NOL10: variants seen among roughly 807,000 people sequenced by gnomAD.
The protein encoded by NOL10 is H_NH0074G24.1.
Under a neutral mutation model 103.5 loss-of-function variants are expected in NOL10, and 58 were observed. The observed-to-expected ratio is 0.56, with a 90% CI of 0.45 to 0.70. The LOEUF is 0.70. NOL10 is among the 30% of genes least tolerant of loss of function. The probability of loss-of-function intolerance (pLI) is 0.00; values close to 1 mark genes in which losing one functional copy is unlikely to be tolerated. For missense variants in NOL10, 763 were observed against 807.3 expected, an observed-to-expected ratio of 0.95 and a Z score of 0.67; for synonymous variants, 287 against 282.5, an observed-to-expected ratio of 1.02 and a Z score of -0.16.
rs147977675 is a variant in NOL10, at chr2:10,616,050, G to A, written c.1027-8739C>T. ...CAAAGTCAAGCCTATGCTGCTGTGC[G>A]TCCACTCTACCAGCCCAAACCCCTA... On this transcript the variant is annotated intron_variant, in intron 13 of 20. Coordinates refer to ENST00000381685, the MANE Select transcript of NOL10 (RefSeq NM_024894.4). 5.9e-3 allele frequency among the ~76,000 whole-genome samples: 900 copies of A among 152,110 alleles called. 19 individuals are homozygous for A. Among genetic ancestry groups the A allele is most frequent in the African/African-American group, 0.02 (839 of 41,478 alleles).
At chr2:10,648,879 G>A (rs940379094) in intron 12 of NOL10, among the ~76,000 whole-genome samples, 3 of 152,012 alleles carry the variant, frequency 2.0e-5, no homozygotes, top group Non-Finnish European at 4.4e-5. Flanking sequence ...GGACTATACT[G>A]GATTGAAAGA....
At chr2:10,684,512 A>G in intron 2 of NOL10, 55 bp downstream of exon 2, 1 of 1,352,946 alleles carries the variant, frequency 7.4e-7, no homozygotes, top group Non-Finnish European at 1.0e-6. Flanking sequence ...AAATGAGTAA[A>G]AGCATTAGAA....
intron 6 of NOL10, among the ~76,000 whole-genome samples, chr2:10,669,017 A>C (rs531254033): frequency 6.6e-6 from 1 of 152,252 alleles, no homozygotes; most frequent in South Asian, 2.1e-4. Context: ...ACATATGTAT[A>C]TAAGAAAGGA....
At chr2:10,591,169 C>T (rs1458217408) in intron 17 of NOL10, among the ~76,000 whole-genome samples, 1 of 152,166 alleles carries the variant, frequency 6.6e-6, no homozygotes, top group Non-Finnish European at 1.5e-5. Context: ...GCAAGTTTCC[C>T]TGATTAAACA....
At chr2:10,640,381 G>A (rs1484096966) in intron 13 of NOL10, among the ~76,000 whole-genome samples, 1 of 152,190 alleles carries the variant, frequency 6.6e-6, no homozygotes, top group Non-Finnish European at 1.5e-5. Context: ...AGGGAGCAGG[G>A]CAGAAAGGTA....
intron 12 of NOL10, among the ~76,000 whole-genome samples, chr2:10,645,233 T>C (rs1267707469): frequency 6.6e-6 from 1 of 152,216 alleles, no homozygotes; most frequent in Non-Finnish European, 1.5e-5. Context: ...CAAGAGCGCC[T>C]GCTTTTAAAT....
At chr2:10,679,998 G>C (rs1421103222) in intron 3 of NOL10, among the ~76,000 whole-genome samples, 2 of 152,036 alleles carry the variant, frequency 1.3e-5, no homozygotes, top group African/African-American at 4.8e-5. Context: ...CATTAGGCCA[G>C]GCGCAGTGGC....
At chr2:10,637,906 AATATTTAATCAGTG>A (rs1678376629) in intron 13 of NOL10, among the ~76,000 whole-genome samples, 1 of 151,524 alleles carries the variant, frequency 6.6e-6, no homozygotes, top group African/African-American at 2.4e-5. Flanking sequence ...TAAATGTTAA[AATATTTAATCAGTG>A]TTTTATTTTA....
chr2:10,572,576 G>A (rs571199557), intron 20 of NOL10, among the ~76,000 whole-genome samples: 1 of 152,302 alleles, frequency 6.6e-6, no homozygotes, highest in South Asian at 2.1e-4. Context: ...ATCACTTAGA[G>A]TGTCCACTTC....
intron 13 of NOL10, among the ~76,000 whole-genome samples, chr2:10,619,741 A>C (rs1677024984): frequency 6.6e-6 from 1 of 152,192 alleles, no homozygotes; most frequent in Non-Finnish European, 1.5e-5. Flanking sequence ...CTGTTAGCTG[A>C]ATAAAAAAAC....
chr2:10,581,778 G>A (rs977610281), intron 19 of NOL10, among the ~76,000 whole-genome samples: 13 of 152,142 alleles, frequency 8.5e-5, no homozygotes, highest in Non-Finnish European at 2.9e-5. Flanking sequence ...CCATGATTGC[G>A]CCTCTGCACT....
chr2:10,588,990 A>G (rs1675258748), intron 19 of NOL10, 53 bp downstream of exon 19: 1 of 1,594,894 alleles, frequency 6.3e-7, no homozygotes, highest in African/African-American at 1.3e-5. Context: ...GCCAGAGAGG[A>G]AAAGCAAGGG....
At chr2:10,624,555 A>C (rs151303429) in intron 13 of NOL10, among the ~76,000 whole-genome samples, 2 of 152,170 alleles carry the variant, frequency 1.3e-5, no homozygotes, top group East Asian at 3.8e-4. Flanking sequence ...TTAGGTAACA[A>C]AAGTCCAGGA....
intron 2 of NOL10, among the ~76,000 whole-genome samples, chr2:10,682,800 T>G (rs992921882): frequency 6.6e-6 from 1 of 151,990 alleles, no homozygotes; most frequent in Non-Finnish European, 1.5e-5. Context: ...AAACTCTTTT[T>G]TTTTGAGACA....
At chr2:10,671,183 A>G (rs1189257645) in intron 6 of NOL10, among the ~76,000 whole-genome samples, 4 of 152,228 alleles carry the variant, frequency 2.6e-5, no homozygotes, top group Admixed American at 2.6e-4. Flanking sequence ...AAACAGATAA[A>G]TAAAACAATA....
At chr2:10,631,445 C>T (rs1677834208) in intron 13 of NOL10, among the ~76,000 whole-genome samples, 2 of 152,302 alleles carry the variant, frequency 1.3e-5, no homozygotes, top group South Asian at 4.1e-4. Context: ...AAAATTAAGA[C>T]AAAAGCTAAA....
intron 7 of NOL10, among the ~76,000 whole-genome samples, chr2:10,667,556 A>G (rs1226139481): frequency 6.6e-6 from 1 of 152,190 alleles, no homozygotes; most frequent in Non-Finnish European, 1.5e-5. Context: ...CCATGAGAAG[A>G]AAGGGTCACT....
At chr2:10,689,678 T>G in intron 1 of NOL10, 118 bp downstream of exon 1, 1 of 1,017,372 alleles carries the variant, frequency 9.8e-7, no homozygotes. Context: ...CCTCCCCGAG[T>G]CGGGGGGTGA....
chr2:10,616,408 C>T (rs762846007), intron 13 of NOL10, among the ~76,000 whole-genome samples: 2 of 151,464 alleles, frequency 1.3e-5, no homozygotes, highest in Admixed American at 6.6e-5. Context: ...TTAGTAGAGA[C>T]GGGGTTTCAC....
Sources: gnomAD v4.1 joint callset for allele counts (sites outside exome capture counted in the v4.1 genomes callset) on GRCh38, gnomAD v4.1.1 for gene constraint, MANE v1.5 for transcripts, NCBI Gene and HGNC (gene_info 2026-07-23, HGNC 2026-07-21) for gene names.